The following PLCB1 variants were observed in gnomAD, a reference collection of about 807,000 sequenced individuals.
PLCB1 encodes phospholipase C beta 1.
PLCB1 carries 46 observed loss-of-function variants against 161.8 expected under a neutral mutation model. That is an observed-to-expected ratio of 0.28 (90% CI 0.22 to 0.36). The LOEUF (loss-of-function observed/expected upper bound fraction) is 0.36, where lower values mean the gene tolerates loss of function less well. Among genes scored for constraint, PLCB1 ranks in the 10% least tolerant of loss-of-function variants. The probability of loss-of-function intolerance (pLI) is 1.00; values close to 1 mark genes in which losing one functional copy is unlikely to be tolerated. For missense variants in PLCB1, 1,016 were observed against 1,472.5 expected, an observed-to-expected ratio of 0.69 and a Z score of 5.07; for synonymous variants, 517 against 503.7, an observed-to-expected ratio of 1.03 and a Z score of -0.35.
chr20:8,455,724 T>C (rs1981286663), intron 3 of PLCB1, among the ~76,000 whole-genome samples: 1 of 152,150 alleles, frequency 6.6e-6, no homozygotes, highest in South Asian at 2.1e-4. Flanking sequence ...AGTAGTCTTT[T>C]TTAGTTCTGT....
chr20:8,466,033 A>C, intron 3 of PLCB1, among the ~76,000 whole-genome samples: 1 of 143,878 alleles, frequency 7.0e-6, no homozygotes, highest in Non-Finnish European at 1.5e-5. Context: ...ACGTATGTTT[A>C]TTGCGGCATT....
intron 1 of PLCB1, among the ~76,000 whole-genome samples, chr20:8,140,210 A>G (rs2051388669): frequency 6.6e-6 from 1 of 152,168 alleles, no homozygotes; most frequent in African/African-American, 2.4e-5. Context: ...CTGTGCTGCT[A>G]TGTTCTGAGA....
chr20:8,608,405 G>T (rs961363871), intron 3 of PLCB1, among the ~76,000 whole-genome samples: 40 of 152,190 alleles, frequency 2.6e-4, no homozygotes, highest in African/African-American at 8.9e-4. Context: ...GGACCTAAAT[G>T]GACTTTAAAA....
chr20:8,604,122 A>G (rs1240931975), intron 3 of PLCB1, among the ~76,000 whole-genome samples: 1 of 152,008 alleles, frequency 6.6e-6, no homozygotes, highest in East Asian at 1.9e-4. Context: ...GTATGGTGGC[A>G]TGTGCCTGTA....
At chr20:8,686,887 A>G (rs1325488714) in intron 10 of PLCB1, among the ~76,000 whole-genome samples, 7 of 152,222 alleles carry the variant, frequency 4.6e-5, no homozygotes, top group Admixed American at 1.3e-4. Flanking sequence ...AAGAAAAAGT[A>G]TGAGTAACAG....
At chr20:8,854,769 A>G (rs1329283038) in intron 31 of PLCB1, among the ~76,000 whole-genome samples, 2 of 152,202 alleles carry the variant, frequency 1.3e-5, no homozygotes, top group East Asian at 1.9e-4. Flanking sequence ...GCGAACGACA[A>G]ACTCGGCAAG....
intron 3 of PLCB1, among the ~76,000 whole-genome samples, chr20:8,506,393 A>G (rs976167754): frequency 2.0e-5 from 3 of 152,202 alleles, no homozygotes; most frequent in Non-Finnish European, 4.4e-5. Flanking sequence ...GAAATCATCT[A>G]TATCAATCTT....
At chr20:8,625,810 T>A (rs898470943) in intron 3 of PLCB1, among the ~76,000 whole-genome samples, 2 of 152,170 alleles carry the variant, frequency 1.3e-5, no homozygotes, top group Non-Finnish European at 2.9e-5. Flanking sequence ...AGCAGCATCA[T>A]TTTACCAGCC....
intron 2 of PLCB1, among the ~76,000 whole-genome samples, chr20:8,193,915 C>T (rs965929532): frequency 5.3e-5 from 8 of 151,900 alleles, no homozygotes; most frequent in Non-Finnish European, 1.2e-4. Flanking sequence ...GGTCTTTCTG[C>T]CTTGCTTTCT....
chr20:8,172,918 C>T (rs983656737), intron 2 of PLCB1, among the ~76,000 whole-genome samples: 2 of 152,166 alleles, frequency 1.3e-5, no homozygotes, highest in Non-Finnish European at 2.9e-5. Flanking sequence ...CAACCTGTGA[C>T]CTAGCAACAG....
At chr20:8,341,254 G>C (rs958760448) in intron 2 of PLCB1, among the ~76,000 whole-genome samples, 7 of 152,098 alleles carry the variant, frequency 4.6e-5, no homozygotes, top group Admixed American at 1.3e-4. Context: ...AAACTCCTTA[G>C]AAAGTCTTCA....
At chr20:8,742,367 T>C (rs1017336198) in intron 23 of PLCB1, among the ~76,000 whole-genome samples, 1 of 152,194 alleles carries the variant, frequency 6.6e-6, no homozygotes, top group African/African-American at 2.4e-5. Flanking sequence ...TTGAAAATTG[T>C]TTTAATAAGT....
At chr20:8,838,076 A>C (rs1323223018) in intron 31 of PLCB1, among the ~76,000 whole-genome samples, 1 of 26,198 alleles carries the variant, frequency 3.8e-5, no homozygotes, top group Admixed American at 7.5e-4. Context: ...GTCAAATAAA[A>C]AAAAAAAAAA....
chr20:8,496,864 T>C (rs1007116685), intron 3 of PLCB1, among the ~76,000 whole-genome samples: 1 of 152,064 alleles, frequency 6.6e-6, no homozygotes, highest in Admixed American at 6.6e-5. Context: ...TTAACCTTCA[T>C]GCTCATTTTT....
chr20:8,821,791 G>C (rs935606873), intron 31 of PLCB1, among the ~76,000 whole-genome samples: 3 of 151,808 alleles, frequency 2.0e-5, no homozygotes, highest in Admixed American at 2.0e-4. Flanking sequence ...TACCTTCTCA[G>C]TAGGCGTCTA....
intron 2 of PLCB1, among the ~76,000 whole-genome samples, chr20:8,330,690 T>A (rs1306282885): frequency 2.0e-5 from 3 of 152,264 alleles, no homozygotes; most frequent in Non-Finnish European, 4.4e-5. Context: ...CAGAGTGTTC[T>A]ACAAGTCTGC....
intron 11 of PLCB1, among the ~76,000 whole-genome samples, chr20:8,706,942 CA>C (rs1978714538): frequency 6.6e-6 from 1 of 152,156 alleles, no homozygotes; most frequent in Non-Finnish European, 1.5e-5. Context: ...GTGATTTTCC[CA>C]AGGTCACACA....
intron 1 of PLCB1, among the ~76,000 whole-genome samples, chr20:8,144,375 A>ACATTTCTTGTTG (rs1045904287): frequency 5.3e-5 from 8 of 152,172 alleles, no homozygotes; most frequent in African/African-American, 1.9e-4. Context: ...TTGAAGAACA[A>ACATTTCTTGTTG]TTCTTCCAAC....
intron 9 of PLCB1, among the ~76,000 whole-genome samples, chr20:8,681,319 A>G (rs1990215898): frequency 6.6e-6 from 1 of 151,906 alleles, no homozygotes; most frequent in South Asian, 2.1e-4. Flanking sequence ...AGACATCAAA[A>G]TTAATCACAG....
Sources: gnomAD v4.1 joint callset for allele counts (sites outside exome capture counted in the v4.1 genomes callset) on GRCh38, gnomAD v4.1.1 for gene constraint, MANE v1.5 for transcripts, NCBI Gene and HGNC (gene_info 2026-07-23, HGNC 2026-07-21) for gene names.